The following DTHD1 variants were observed in gnomAD, a reference collection of about 807,000 sequenced individuals.
The protein encoded by DTHD1 is death domain containing 1.
A neutral mutation model predicts 74.8 loss-of-function variants in DTHD1; 59 were observed. The observed-to-expected ratio is 0.79, with a 90% CI of 0.64 to 0.98. The LOEUF (loss-of-function observed/expected upper bound fraction) is 0.98, where lower values mean the gene tolerates loss of function less well. DTHD1 is among the 50% of genes least tolerant of loss of function. The probability of loss-of-function intolerance (pLI) is 0.00; values close to 1 mark genes in which losing one functional copy is unlikely to be tolerated. For missense variants in DTHD1, 1,051 were observed against 1,065.4 expected, an observed-to-expected ratio of 0.99 and a Z score of 0.19; for synonymous variants, 365 against 371.1, an observed-to-expected ratio of 0.98 and a Z score of 0.19.
At chr4:36,312,985 G>A (rs1245150908) in intron 7 of DTHD1, among the ~76,000 whole-genome samples, 1 of 152,206 alleles carries the variant, frequency 6.6e-6, no homozygotes, top group Admixed American at 6.5e-5. Context: ...TAGAGGTAGA[G>A]CTGGTGGGGA....
At chr4:36,331,822 T>G (rs557229500) in intron 8 of DTHD1, among the ~76,000 whole-genome samples, 8 of 152,312 alleles carry the variant, frequency 5.3e-5, no homozygotes, top group African/African-American at 1.9e-4. Context: ...ATCAGAAAGT[T>G]CTTACCGTGT....
At chr4:36,307,344 C>G (rs1166143540) in intron 6 of DTHD1, among the ~76,000 whole-genome samples, 1 of 152,136 alleles carries the variant, frequency 6.6e-6, no homozygotes, top group African/African-American at 2.4e-5. Context: ...TCTGCCCAGG[C>G]CTCTTTTCTT....
Position 36,290,517 on chromosome 4 carries a change from C to G in DTHD1, c.1032C>G (p.Ser344Arg), listed in dbSNP as rs1371791043. The change falls in exon 3 of 10, where the codon AGC becomes AGG. Residue 344 changes from serine to arginine, a missense_variant. By Grantham distance (110) the Ser-to-Arg change is moderately radical (BLOSUM62 -1). Transcript: ENST00000639862. The stretch of plus-strand genomic sequence containing the variant: ...TGGGTGATAATGAAGAGTTAGTTAG[C>G]AACGTCATAACTATTGAATGCTCAG... ...LIVGDNEELV[S>R]NVITIECSDK... is the part of the protein sequence containing the mutation. The G allele has an allele frequency of 4.5e-6, 7 of 1,551,596 alleles. No homozygotes were observed. Among genetic ancestry groups the G allele is most frequent in the Non-Finnish European group, 6.1e-6 (7 of 1,146,978 alleles).
At chr4:36,326,456 A>G (rs550988761) in intron 8 of DTHD1, among the ~76,000 whole-genome samples, 3 of 151,492 alleles carry the variant, frequency 2.0e-5, no homozygotes, top group Non-Finnish European at 4.4e-5. Context: ...TCATTTAAGA[A>G]ACTGAAGCAT....
chr4:36,323,370 A>G (rs1484629449), intron 8 of DTHD1, among the ~76,000 whole-genome samples: 2 of 152,172 alleles, frequency 1.3e-5, no homozygotes, highest in African/African-American at 4.8e-5. Flanking sequence ...CTGCTCTGCT[A>G]GGGATAATGT....
chr4:36,303,716 A>T (rs1756900019), intron 5 of DTHD1, among the ~76,000 whole-genome samples: 1 of 152,346 alleles, frequency 6.6e-6, no homozygotes, highest in Non-Finnish European at 1.5e-5. Context: ...GAAGACAGAT[A>T]TAGCACAGAT....
intron 7 of DTHD1, among the ~76,000 whole-genome samples, chr4:36,314,578 A>T (rs1757594919): frequency 6.7e-6 from 1 of 149,790 alleles, no homozygotes; most frequent in African/African-American, 2.5e-5. Flanking sequence ...GCTGCTTGGG[A>T]GGCTGAGATG....
chr4:36,317,536 G>T (rs79119123), intron 8 of DTHD1, among the ~76,000 whole-genome samples: 5,226 of 151,858 alleles, frequency 0.034, 147 homozygotes, highest in South Asian at 0.13. Flanking sequence ...GTTATATGAG[G>T]TTATATAAAA....
Position 36,343,631 on chromosome 4 carries a change from A to T in DTHD1, c.2528A>T (p.Asp843Val). The T allele has an allele frequency of 6.4e-7, 1 of 1,551,896 alleles. No individual in the cohort carries two copies. The highest frequency in any genetic ancestry group is 1.2e-5 in the South Asian group (1 of 84,058). ...CTCATCAAACTCAAGAACCCTGATG[A>T]TCTCACAGAACAGATCCACGAGTTT... Reference protein sequence around the residue: ...IQLIKLKNPDDLTEQIHEFLC... With the variant: ...IQLIKLKNPDVLTEQIHEFLC... Residue 843 changes from aspartate to valine, a missense_variant, in exon 10 of 10, where the codon GAT (aspartate) becomes GTT (valine). Coordinates refer to ENST00000639862, the MANE Select transcript of DTHD1 (RefSeq NM_001170700.3).
At chr4:36,339,891 C>A (rs1390361881) in intron 9 of DTHD1, among the ~76,000 whole-genome samples, 2 of 152,150 alleles carry the variant, frequency 1.3e-5, no homozygotes, top group Non-Finnish European at 2.9e-5. Flanking sequence ...TAAACCCTTT[C>A]AGGGATAAAT....
At chr4:36,312,846 G>C (rs78696282) in intron 7 of DTHD1, among the ~76,000 whole-genome samples, 7,253 of 152,224 alleles carry the variant, frequency 0.048, 585 homozygotes, top group African/African-American at 0.17. Flanking sequence ...GAAACATGAA[G>C]GGTTTTCAAC....
At chr4:36,310,889 G>T (rs1044479723) in intron 7 of DTHD1, among the ~76,000 whole-genome samples, 3 of 152,086 alleles carry the variant, frequency 2.0e-5, no homozygotes, top group Non-Finnish European at 4.4e-5. Context: ...AGGAAGGAAG[G>T]GTGGAAGAGG....
intron 8 of DTHD1, among the ~76,000 whole-genome samples, chr4:36,322,852 G>A (rs1481115031): frequency 1.3e-5 from 2 of 152,112 alleles, no homozygotes; most frequent in Non-Finnish European, 2.9e-5. Context: ...TTGTATTTTG[G>A]CAGAAACAAG....
chr4:36,328,324 T>C (rs1025578222), intron 8 of DTHD1, among the ~76,000 whole-genome samples: 8 of 152,240 alleles, frequency 5.3e-5, no homozygotes, highest in Non-Finnish European at 7.3e-5. Flanking sequence ...AGGTACTTCC[T>C]TTTATTTTGA....
intron 7 of DTHD1, among the ~76,000 whole-genome samples, chr4:36,310,618 C>T (rs772807070): frequency 1.3e-5 from 2 of 152,080 alleles, no homozygotes; most frequent in African/African-American, 4.8e-5. Context: ...TTTTATTATG[C>T]CTATTTTCTC....
intron 8 of DTHD1, among the ~76,000 whole-genome samples, chr4:36,329,427 C>A (rs1431801648): frequency 6.6e-6 from 1 of 152,162 alleles, no homozygotes; most frequent in Non-Finnish European, 1.5e-5. Context: ...AGTTCATTGT[C>A]AGAGCAGAGA....
At chr4:36,306,962 A>G (rs1050013432) in intron 6 of DTHD1, among the ~76,000 whole-genome samples, 2 of 152,218 alleles carry the variant, frequency 1.3e-5, no homozygotes, top group African/African-American at 4.8e-5. Context: ...CTGTAGGGCA[A>G]AGGAGGAAGA....
At chr4:36,316,669 T>C (rs980246080) in intron 8 of DTHD1, among the ~76,000 whole-genome samples, 183 bp downstream of exon 8, 2 of 152,232 alleles carry the variant, frequency 1.3e-5, no homozygotes, top group Admixed American at 1.3e-4. Context: ...TTTCTCCTTT[T>C]GTTCATATCA....
chr4:36,303,626 T>G (rs1756894536), intron 5 of DTHD1, among the ~76,000 whole-genome samples: 1 of 152,178 alleles, frequency 6.6e-6, no homozygotes, highest in Non-Finnish European at 1.5e-5. Flanking sequence ...TTTTTCCCTA[T>G]GAATATGCAT....
Sources: gnomAD v4.1 joint callset for allele counts (sites outside exome capture counted in the v4.1 genomes callset) on GRCh38, gnomAD v4.1.1 for gene constraint, MANE v1.5 for transcripts, NCBI Gene and HGNC (gene_info 2026-07-23, HGNC 2026-07-21) for gene names.